GPC5: variants seen among roughly 807,000 people sequenced by gnomAD.
GPC5 encodes the protein glypican-5.
Under a neutral mutation model 53.9 loss-of-function variants are expected in GPC5, and 47 were observed. The ratio of observed to expected loss-of-function variants is 0.87; its 90% CI spans 0.69 to 1.11. The LOEUF is 1.11. Ranked by LOEUF, GPC5 falls within the 50% of genes most tolerant of loss-of-function variation. GPC5 has a pLI of 0.00. For missense variants in GPC5, 748 were observed against 713.1 expected (o/e 1.05, Z -0.56); for synonymous variants, 286 against 263.3 (o/e 1.09, Z -0.84).
intron 7 of GPC5, among the ~76,000 whole-genome samples, chr13:92,224,161 A>G (rs2042468189): frequency 6.6e-6 from 1 of 152,200 alleles, no homozygotes; most frequent in Non-Finnish European, 1.5e-5. Context: ...TTTCTGCACT[A>G]TTAAAGAAAA....
At chr13:91,883,341 T>A (rs2039287758) in intron 5 of GPC5, among the ~76,000 whole-genome samples, 1 of 152,222 alleles carries the variant, frequency 6.6e-6, no homozygotes, top group South Asian at 2.1e-4. Context: ...TCATACTCTA[T>A]TGATTGTAGC....
chr13:92,246,151 A>G (rs932836314), intron 7 of GPC5, among the ~76,000 whole-genome samples: 3 of 152,164 alleles, frequency 2.0e-5, no homozygotes, highest in African/African-American at 7.2e-5. Flanking sequence ...TGTACTACAC[A>G]TCACTCTACC....
At chr13:91,625,114 A>G (rs1472901378) in intron 2 of GPC5, among the ~76,000 whole-genome samples, 1 of 151,970 alleles carries the variant, frequency 6.6e-6, no homozygotes, top group East Asian at 1.9e-4. Context: ...GAAGCAAAGA[A>G]AAAAGGGAGG....
intron 6 of GPC5, among the ~76,000 whole-genome samples, chr13:92,067,868 A>G (rs1466523581): frequency 6.6e-6 from 1 of 151,966 alleles, no homozygotes; most frequent in African/African-American, 2.4e-5. Flanking sequence ...AAGGACATAT[A>G]CCAAAATATT....
intron 2 of GPC5, among the ~76,000 whole-genome samples, chr13:91,484,777 C>T (rs558404057): frequency 2.4e-4 from 36 of 152,160 alleles, no homozygotes; most frequent in Admixed American, 1.6e-3. Context: ...TCAAAGAAAG[C>T]CCTCTAGAAA....
intron 7 of GPC5, among the ~76,000 whole-genome samples, chr13:92,857,184 C>A (rs992001362): frequency 3.9e-5 from 6 of 152,046 alleles, no homozygotes; most frequent in African/African-American, 1.4e-4. Flanking sequence ...AAGAACTGAT[C>A]TTTGACAAAG....
intron 1 of GPC5, among the ~76,000 whole-genome samples, chr13:91,417,974 G>A (rs1190706759): frequency 6.6e-6 from 1 of 152,098 alleles, no homozygotes; most frequent in East Asian, 1.9e-4. Context: ...GAAAGTTCCA[G>A]ACAAAAACAT....
intron 2 of GPC5, among the ~76,000 whole-genome samples, chr13:91,473,463 T>C (rs1438093983): frequency 1.3e-5 from 2 of 152,120 alleles, no homozygotes; most frequent in Non-Finnish European, 2.9e-5. Context: ...CTATGAGGGG[T>C]ACAGTACAGG....
chr13:91,950,270 T>TG (rs1555299360), intron 6 of GPC5, among the ~76,000 whole-genome samples: 2 of 144,558 alleles, frequency 1.4e-5, no homozygotes, highest in Non-Finnish European at 3.0e-5. Context: ...TGCCAAGTTT[T>TG]TTTTTTTTTT....
Position 91,495,956 on chromosome 13 carries a change from G to T in GPC5, c.325+47034G>T, listed in dbSNP as rs558984209. On this transcript the variant is annotated intron_variant, in intron 2 of 7. Coordinates refer to ENST00000377067, the MANE Select transcript of GPC5 (RefSeq NM_004466.6). ...GAGAATTGCTTGAACTCGGGAGGCA[G>T]AGGTTGCAGTGAGCCGAGATAGCAC... Among the ~76,000 whole-genome samples, 5 of 152,294 alleles carry T rather than the reference G, an allele frequency of 3.3e-5. No homozygotes were observed. In the East Asian group the frequency reaches 9.6e-4, roughly 29 times the overall value.
chr13:92,855,683 C>T (rs1023293160), intron 7 of GPC5, among the ~76,000 whole-genome samples: 1 of 151,224 alleles, frequency 6.6e-6, no homozygotes, highest in Non-Finnish European at 1.5e-5. Flanking sequence ...TATAAATGAT[C>T]CCACAGACTA....
intron 4 of GPC5, among the ~76,000 whole-genome samples, chr13:91,755,357 T>C (rs1362866309): frequency 6.6e-6 from 1 of 152,140 alleles, no homozygotes; most frequent in Non-Finnish European, 1.5e-5. Context: ...AAAGTTTACT[T>C]TCCTTCCAAC....
At chr13:92,337,050 A>G (rs187103633) in intron 7 of GPC5, among the ~76,000 whole-genome samples, 143 of 152,270 alleles carry the variant, frequency 9.4e-4, no homozygotes, top group Admixed American at 3.2e-3. Flanking sequence ...GGTCCTTCCC[A>G]TGACACATGG....
chr13:92,854,507 G>A (rs1245256437), intron 7 of GPC5, among the ~76,000 whole-genome samples: 1 of 151,416 alleles, frequency 6.6e-6, no homozygotes, highest in Admixed American at 6.6e-5. Context: ...AAATATCAGC[G>A]ATTTTACTAT....
At chr13:92,597,339 G>A (rs1462641243) in intron 7 of GPC5, among the ~76,000 whole-genome samples, 1 of 151,894 alleles carries the variant, frequency 6.6e-6, no homozygotes, top group African/African-American at 2.4e-5. Flanking sequence ...TGTAACCAGG[G>A]CACACACTTC....
At chr13:92,320,149 A>G (rs989769605) in intron 7 of GPC5, among the ~76,000 whole-genome samples, 3 of 152,154 alleles carry the variant, frequency 2.0e-5, no homozygotes, top group Non-Finnish European at 1.5e-5. Flanking sequence ...GATTAAAAGT[A>G]CTGTCATTTT....
intron 2 of GPC5, among the ~76,000 whole-genome samples, chr13:91,614,455 C>T (rs1269817547): frequency 6.6e-6 from 1 of 152,102 alleles, no homozygotes; most frequent in African/African-American, 2.4e-5. Flanking sequence ...CCTCAGCCTC[C>T]CAAGTAGCTG....
At chr13:92,053,644 A>T (rs2041048921) in intron 6 of GPC5, among the ~76,000 whole-genome samples, 1 of 152,058 alleles carries the variant, frequency 6.6e-6, no homozygotes, top group South Asian at 2.1e-4. Context: ...ATATATGAAA[A>T]TATGTACAAA....
intron 7 of GPC5, among the ~76,000 whole-genome samples, chr13:92,245,984 G>A (rs1489914867): frequency 6.6e-6 from 1 of 151,654 alleles, no homozygotes; most frequent in African/African-American, 2.4e-5. Flanking sequence ...AGTATAAAGG[G>A]GTGAAAAGTA....
Sources: gnomAD v4.1 joint callset for allele counts (sites outside exome capture counted in the v4.1 genomes callset) on GRCh38, gnomAD v4.1.1 for gene constraint, MANE v1.5 for transcripts, NCBI Gene and HGNC (gene_info 2026-07-23, HGNC 2026-07-21) for gene names.